The following CHD2 variants were observed in gnomAD, a reference collection of about 807,000 sequenced individuals.
The protein encoded by CHD2 is ATP-dependent chromatin remodeler CHD2.
In CHD2, 28 loss-of-function variants were observed where a neutral mutation model predicts 243.9. The ratio of observed to expected loss-of-function variants is 0.11; its 90% CI spans 0.09 to 0.16. The LOEUF (loss-of-function observed/expected upper bound fraction) is 0.16, where lower values mean the gene tolerates loss of function less well. Among genes scored for constraint, CHD2 ranks in the 10% least tolerant of loss-of-function variants. The probability of loss-of-function intolerance (pLI) is 1.00; values close to 1 mark genes in which losing one functional copy is unlikely to be tolerated. For synonymous variants in CHD2, 775 were observed against 779.0 expected (o/e 0.99, Z 0.09); for missense variants, 1,386 against 2,209.8 (o/e 0.63, Z 7.47).
intron 13 of CHD2, among the ~76,000 whole-genome samples, chr15:92,952,475 G>T (rs1464952552): frequency 2.0e-5 from 3 of 152,184 alleles, no homozygotes; most frequent in South Asian, 2.1e-4. Flanking sequence ...CCATCTGGGG[G>T]TGATGGGAGA....
At chr15:92,987,887 C>T (rs2054065035) in intron 26 of CHD2, among the ~76,000 whole-genome samples, 1 of 151,022 alleles carries the variant, frequency 6.6e-6, no homozygotes, top group Non-Finnish European at 1.5e-5. Context: ...TAGTGGTTGC[C>T]CTAGAAATTA....
chr15:92,982,869 G>T (rs28556970), intron 24 of CHD2, among the ~76,000 whole-genome samples: 2 of 152,122 alleles, frequency 1.3e-5, no homozygotes, highest in African/African-American at 4.8e-5. Context: ...ATTAGTGTTC[G>T]TCATAGTCGG....
intron 6 of CHD2, among the ~76,000 whole-genome samples, chr15:92,939,194 A>G (rs1352643640): frequency 6.6e-6 from 1 of 152,242 alleles, no homozygotes; most frequent in African/African-American, 2.4e-5. Context: ...ATTAATTCCT[A>G]CAAGTAAAAC....
At chr15:92,994,824 C>T (rs1336240826) in intron 28 of CHD2, among the ~76,000 whole-genome samples, 2 of 151,948 alleles carry the variant, frequency 1.3e-5, no homozygotes, top group Admixed American at 6.6e-5. Context: ...CAAAGTCTCC[C>T]TTTTTTTTGT....
Position 92,900,712 on chromosome 15 carries a change from ATTTAT to A in CHD2, c.-180_-176del. ...AGTTAACATATTTGAGGGTTATTTT[ATTTAT>A]TTTTCGTTTTTTAACGGAGGATTTT... On this transcript the variant is annotated 5_prime_UTR_variant, in exon 1 of 39. Transcript: ENST00000394196. 1 of 397,104 alleles carries A rather than the reference ATTTAT, an allele frequency of 2.5e-6. No individual in the cohort carries two copies. Among genetic ancestry groups the A allele is most frequent in the Non-Finnish European group, 4.4e-6 (1 of 225,758 alleles). The allele number at this position is 397,104 out of a possible 1,614,324, so 24.6% of individuals were successfully genotyped here. A position where few individuals can be genotyped will look rare whatever the true frequency, so the allele number is the denominator to read the frequency against.
Position 92,901,260 on chromosome 15 carries a change from G to A in CHD2, c.23G>A (p.Ser8Asn). 8 of 1,605,202 alleles carry A rather than the reference G, an allele frequency of 5.0e-6. No homozygotes were observed. Among genetic ancestry groups the A allele is most frequent in the East Asian group, 2.2e-5 (1 of 44,770 alleles). Residue 8 changes from serine (S) to asparagine (N), a missense_variant, in exon 2 of 39, where the codon AGC becomes AAC. Ser to Asn is a conservative substitution (Grantham distance 46, BLOSUM62 1). This residue lies in a region of CHD2 where 89 missense variants were observed against 102.4 expected (regional missense o/e 0.87). Transcript: ENST00000394196. MMRNKDK[S>N]QEEDSSLHSN... ...AAGATGATGAGAAATAAGGACAAAA[G>A]CCAAGAGGAGGACAGTTCGCTACAC...
chr15:92,901,566 A>G (rs1596360034), intron 2 of CHD2: 1 of 469,926 alleles, frequency 2.1e-6, no homozygotes, highest in East Asian at 3.3e-5. Flanking sequence ...CCTTTACTGT[A>G]ATGTACAGTT....
intron 14 of CHD2, among the ~76,000 whole-genome samples, chr15:92,954,601 G>A (rs2053594820): frequency 1.3e-5 from 2 of 152,068 alleles, no homozygotes; most frequent in South Asian, 2.1e-4. Flanking sequence ...TTAGTTAACC[G>A]TTAAAGACGA....
At chr15:92,959,878 T>A (rs1333363999) in intron 16 of CHD2, among the ~76,000 whole-genome samples, 1 of 152,232 alleles carries the variant, frequency 6.6e-6, no homozygotes, top group Admixed American at 6.5e-5. Flanking sequence ...TCTTGATACT[T>A]CCATGTACAT....
intron 26 of CHD2, among the ~76,000 whole-genome samples, chr15:92,990,463 T>C (rs1015845948): frequency 2.0e-5 from 3 of 152,230 alleles, no homozygotes; most frequent in Non-Finnish European, 2.9e-5. Context: ...CTATTGCTTT[T>C]ATGGGGGAGC....
At chr15:92,925,828 T>G (rs1409618743) in intron 3 of CHD2, among the ~76,000 whole-genome samples, 1 of 152,236 alleles carries the variant, frequency 6.6e-6, no homozygotes, top group Non-Finnish European at 1.5e-5. Flanking sequence ...GTGATTACAT[T>G]GGATTCTAGT....
chr15:92,901,990 T>C (rs1205389633), intron 2 of CHD2: 3 of 384,698 alleles, frequency 7.8e-6, no homozygotes, highest in Non-Finnish European at 1.4e-5. Context: ...CCTGGAATAC[T>C]CTTAATATAT....
chr15:92,938,572 A>AT (rs1269474379), intron 6 of CHD2, among the ~76,000 whole-genome samples: 1 of 152,038 alleles, frequency 6.6e-6, no homozygotes, highest in Non-Finnish European at 1.5e-5. Flanking sequence ...ATTTTATCTT[A>AT]TTTTATCTCA....
chr15:93,020,366 C>A, intron 38 of CHD2, 108 bp downstream of exon 38: 6 of 1,380,320 alleles, frequency 4.3e-6, no homozygotes, highest in African/African-American at 1.4e-5. Flanking sequence ...TACTGAAGAT[C>A]TCATCATGCA....
At chr15:92,991,663 G>A in intron 27 of CHD2, 146 bp downstream of exon 27, 1 of 531,908 alleles carries the variant, frequency 1.9e-6, no homozygotes, top group Non-Finnish European at 3.2e-6. Flanking sequence ...TTTATATATT[G>A]GGTGCCTGTT....
Position 92,974,872 on chromosome 15 carries a change from T to G in CHD2, c.2506-7T>G, listed in dbSNP as rs936595944. 3 of 1,613,276 alleles carry G rather than the reference T, an allele frequency of 1.9e-6. No homozygotes were observed. The African/African-American group carries it at 4.0e-5, about 22-fold the overall frequency. On this transcript the variant is annotated splice_region_variant and splice_polypyrimidine_tract_variant and intron_variant, in intron 19 of 38. Transcript: ENST00000394196. Reference sequence around the variant, plus strand: ...TCTTACAGTTTTCTTGTGGTTTATTTTTACAGCGTCTGGATGGTTCCATCA... The same window carrying G: ...TCTTACAGTTTTCTTGTGGTTTATTGTTACAGCGTCTGGATGGTTCCATCA...
intron 20 of CHD2, among the ~76,000 whole-genome samples, chr15:92,975,776 T>G (rs2053899289): frequency 1.3e-5 from 2 of 152,058 alleles, no homozygotes; most frequent in African/African-American, 4.8e-5. Context: ...GCCTTTAGAG[T>G]GTAGAAATCC....
Position 93,014,803 on chromosome 15 carries a change from C to T in CHD2, c.4800C>T (p.Asn1600=), listed in dbSNP as rs748452670. The change falls in exon 37 of 39, where the codon AAC becomes AAT. Residue 1600 remains asparagine, a synonymous_variant. Coordinates refer to ENST00000394196, the MANE Select transcript of CHD2 (RefSeq NM_001271.4). ...SLISQSHTSH[N]LHPQKPHLPA... ...TATCTCAGTCCCATACCTCACACAA[C>T]CTTCACCCTCAGAAGCCTCATTTGC... 1.9e-6 allele frequency: 3 copies of T among 1,614,166 alleles called. No individual in the cohort carries two copies. The highest frequency in any genetic ancestry group is 2.5e-6 in the Non-Finnish European group (3 of 1,180,020).
chr15:92,941,989 G>C, intron 8 of CHD2, 34 bp downstream of exon 8: 2 of 1,593,388 alleles, frequency 1.3e-6, no homozygotes, highest in Non-Finnish European at 1.7e-6. Flanking sequence ...TACATTTTAT[G>C]TATGCTTAGT....
Sources: gnomAD v4.1 joint callset for allele counts (sites outside exome capture counted in the v4.1 genomes callset) on GRCh38, gnomAD v4.1.1 for gene constraint, gnomAD v4.1.1 regional missense constraint, MANE v1.5 for transcripts, NCBI Gene and HGNC (gene_info 2026-07-23, HGNC 2026-07-21) for gene names.